Variants in RNF220 observed in about 807,000 individuals in gnomAD.
The protein encoded by RNF220 is E3 ubiquitin-protein ligase RNF220.
Under a neutral mutation model 67.1 loss-of-function variants are expected in RNF220, and 7 were observed. The ratio of observed to expected loss-of-function variants is 0.10; its 90% CI spans 0.06 to 0.20. The LOEUF is 0.20. Among genes scored for constraint, RNF220 ranks in the 10% least tolerant of loss-of-function variants. The pLI is 1.00. For missense variants in RNF220, 565 were observed against 740.3 expected (o/e 0.76, Z 2.75); for synonymous variants, 270 against 283.2 (o/e 0.95, Z 0.47).
At chr1:44,518,427 T>C (rs998875151) in intron 2 of RNF220, among the ~76,000 whole-genome samples, 2 of 152,074 alleles carry the variant, frequency 1.3e-5, no homozygotes, top group Non-Finnish European at 2.9e-5. Context: ...AGATCCTGTC[T>C]CTAAAAATAT....
At chr1:44,420,585 A>T (rs1649097951) in intron 2 of RNF220, among the ~76,000 whole-genome samples, 1 of 152,160 alleles carries the variant, frequency 6.6e-6, no homozygotes, top group African/African-American at 2.4e-5. Context: ...TAAAAGCTGT[A>T]TTTGCCCCCT....
intron 5 of RNF220, 162 bp from the exon 6 acceptor site, chr1:44,632,181 G>A: frequency 1.9e-6 from 3 of 1,575,816 alleles, no homozygotes; most frequent in Non-Finnish European, 2.6e-6. Context: ...GCGGCCGGAG[G>A]AGCAGAGGGG....
rs369009191 is a variant in RNF220 at position 44,470,491 on chromosome 1, T to C, written c.625+57769T>C. The stretch of plus-strand genomic sequence containing the variant: ...AGAAAAATAAAATGGATACACACAA[T>C]TCCCCCTTCTTCGAGACCCTTGCTG... On this transcript the variant is annotated intron_variant, in intron 2 of 14. Transcript: ENST00000361799. Among the ~76,000 whole-genome samples the C allele has an allele frequency of 7.0e-4, 106 of 152,328 alleles. 1 individual carries two copies. Among genetic ancestry groups the C allele is most frequent in the Middle Eastern group, 3.4e-3 (1 of 294 alleles).
intron 2 of RNF220, among the ~76,000 whole-genome samples, chr1:44,604,740 T>G (rs1667155805): frequency 6.6e-6 from 1 of 152,268 alleles, no homozygotes; most frequent in Non-Finnish European, 1.5e-5. Context: ...TCCAGGCACC[T>G]TCTATTGCTA....
chr1:44,527,849 T>A (rs1344885872), intron 2 of RNF220, among the ~76,000 whole-genome samples: 1 of 132,274 alleles, frequency 7.6e-6, no homozygotes. Context: ...TCTCTTTGAC[T>A]TGGGAGATGA....
intron 2 of RNF220, among the ~76,000 whole-genome samples, chr1:44,529,924 GGC>G (rs1336140794): frequency 1.3e-5 from 2 of 151,894 alleles, no homozygotes; most frequent in Admixed American, 6.6e-5. Context: ...CATGGTGGTG[GGC>G]GCCTCTACTC....
chr1:44,614,754 C>T (rs571184630), intron 3 of RNF220, among the ~76,000 whole-genome samples: 170 of 152,220 alleles, frequency 1.1e-3, no homozygotes, highest in African/African-American at 3.8e-3. Flanking sequence ...AGGTGTGTCC[C>T]CCACTGTCCC....
chr1:44,497,728 A>G (rs1169310411), intron 2 of RNF220, among the ~76,000 whole-genome samples: 1 of 151,996 alleles, frequency 6.6e-6, no homozygotes, highest in African/African-American at 2.4e-5. Flanking sequence ...CCATTCCCCC[A>G]AGTTCAACAA....
At chr1:44,527,642 AG>A (rs1660479170) in intron 2 of RNF220, among the ~76,000 whole-genome samples, 1 of 151,980 alleles carries the variant, frequency 6.6e-6, no homozygotes, top group African/African-American at 2.4e-5. Context: ...ATTTAAATGC[AG>A]GGCTGGGTGC....
chr1:44,494,731 G>GT (rs1452977012), intron 2 of RNF220, among the ~76,000 whole-genome samples: 2 of 152,158 alleles, frequency 1.3e-5, no homozygotes, highest in African/African-American at 4.8e-5. Flanking sequence ...CAGGATCTGG[G>GT]TAAAAAGAAG....
intron 2 of RNF220, among the ~76,000 whole-genome samples, chr1:44,517,826 G>A (rs1181632527): frequency 2.6e-5 from 4 of 152,234 alleles, no homozygotes; most frequent in Non-Finnish European, 5.9e-5. Context: ...CGCCTCTAGG[G>A]CCAGGTACGG....
At chr1:44,456,530 T>C (rs1286736397) in intron 2 of RNF220, among the ~76,000 whole-genome samples, 1 of 152,196 alleles carries the variant, frequency 6.6e-6, no homozygotes. Context: ...GGAACTGTTT[T>C]AGGCACTGGG....
At position 44,592,009 on chromosome 1, in the gene RNF220, C is replaced by G. The variant is rs78244498; in HGVS notation, c.626-22156C>G. The stretch of plus-strand genomic sequence containing the variant: ...ATCCTGTGAGCTTCTGAGCCTGGGC[C>G]TCACTCCTTACTCCACACCCCCAGA... On this transcript the variant is annotated intron_variant, in intron 2 of 14. Transcript: ENST00000361799. Among the ~76,000 whole-genome samples the G allele has an allele frequency of 8.1e-3, 1,230 of 152,282 alleles. 54 individuals carry two copies. Among genetic ancestry groups the G allele is most frequent in the Admixed American group, 0.066 (1,006 of 15,290 alleles).
At chr1:44,551,921 T>C (rs1662668076) in intron 2 of RNF220, among the ~76,000 whole-genome samples, 1 of 152,146 alleles carries the variant, frequency 6.6e-6, no homozygotes. Flanking sequence ...CATACCTCCA[T>C]TTTTACCTCC....
At chr1:44,423,821 C>G in intron 2 of RNF220, 1 of 985,138 alleles carries the variant, frequency 1.0e-6, no homozygotes, top group East Asian at 1.1e-4. Flanking sequence ...AGGTGCATTG[C>G]TCAGGCTTGA....
At chr1:44,629,421 C>G (rs1212702485) in intron 5 of RNF220, among the ~76,000 whole-genome samples, 1 of 152,240 alleles carries the variant, frequency 6.6e-6, no homozygotes, top group Non-Finnish European at 1.5e-5. Flanking sequence ...CTTATCCTTC[C>G]TTTACTCAAA....
chr1:44,478,644 C>G (rs900154442), intron 2 of RNF220, among the ~76,000 whole-genome samples: 1 of 152,042 alleles, frequency 6.6e-6, no homozygotes. Context: ...ATCACTTGAA[C>G]CTGGGAGGCA....
At chr1:44,596,034 G>A (rs1346383907) in intron 2 of RNF220, among the ~76,000 whole-genome samples, 1 of 152,216 alleles carries the variant, frequency 6.6e-6, no homozygotes, top group African/African-American at 2.4e-5. Flanking sequence ...AAAGTGCTGG[G>A]ATTACGGGCG....
At chr1:44,603,699 A>G (rs1347456243) in intron 2 of RNF220, among the ~76,000 whole-genome samples, 1 of 152,204 alleles carries the variant, frequency 6.6e-6, no homozygotes, top group Admixed American at 6.5e-5. Context: ...CTCCCCACCC[A>G]GCCCTTTTCT....
Sources: allele counts gnomAD v4.1 joint callset (sites outside exome capture counted in the v4.1 genomes callset), GRCh38; gene constraint gnomAD v4.1.1; transcripts MANE v1.5; gene names NCBI Gene and HGNC (gene_info 2026-07-23, HGNC 2026-07-21).